Variants in HEPHL1 observed in about 807,000 individuals in gnomAD.
HEPHL1 encodes hephaestin like 1.
Under a neutral mutation model 122.0 loss-of-function variants are expected in HEPHL1, and 123 were observed. The observed-to-expected ratio is 1.01, with a 90% CI of 0.87 to 1.17. HEPHL1 has a LOEUF of 1.17. HEPHL1 is among the 50% of genes most tolerant of loss of function. HEPHL1 has a pLI of 0.00. For synonymous variants in HEPHL1, 527 were observed against 508.9 expected (o/e 1.04, Z -0.48); for missense variants, 1,452 against 1,430.5 (o/e 1.01, Z -0.24).
At chr11:94,053,830 G>A (rs1945912080) in intron 2 of HEPHL1, among the ~76,000 whole-genome samples, 1 of 152,100 alleles carries the variant, frequency 6.6e-6, no homozygotes, top group South Asian at 2.1e-4. Flanking sequence ...TTGTATGATA[G>A]TAATCCTTTT....
chr11:94,093,425 C>A (rs1184340702), intron 12 of HEPHL1, 76 bp from the exon 13 acceptor site: 4 of 1,541,740 alleles, frequency 2.6e-6, no homozygotes, highest in Non-Finnish European at 3.6e-6. Flanking sequence ...CTCCAGAATA[C>A]CCCTGAATCA....
In HEPHL1 at chr11:94,045,672, G is replaced by C. The variant is rs1945827574; in HGVS notation, c.171-1G>C. The C allele has an allele frequency of 1.3e-6, 2 of 1,594,784 alleles. No individual in the cohort carries two copies. The highest frequency in any genetic ancestry group is 1.3e-5 in the African/African-American group (1 of 74,348). ...AAAAATGTTTTTCTTCTTACTTTTA[G>C]ACTTGCAACCTTATTTCTCGAAAGA... is the stretch of plus-strand genomic sequence containing the variant. On this transcript the variant is annotated splice_acceptor_variant, in intron 1 of 19. Coordinates refer to ENST00000315765, the MANE Select transcript of HEPHL1 (RefSeq NM_001098672.2). LOFTEE classifies it high-confidence loss of function.
chr11:94,071,317 T>C (rs982610119), intron 6 of HEPHL1, among the ~76,000 whole-genome samples: 7 of 137,740 alleles, frequency 5.1e-5, no homozygotes, highest in African/African-American at 1.9e-4. Flanking sequence ...ATCATTTGTT[T>C]CTTTAATTGT....
At chr11:94,035,849 G>T (rs1945716254) in intron 1 of HEPHL1, among the ~76,000 whole-genome samples, 1 of 152,192 alleles carries the variant, frequency 6.6e-6, no homozygotes, top group Non-Finnish European at 1.5e-5. Context: ...CCATTCTCCT[G>T]ACTCAGCCTC....
chr11:94,083,842 A>G (rs1946194316), intron 10 of HEPHL1, among the ~76,000 whole-genome samples: 1 of 152,162 alleles, frequency 6.6e-6, no homozygotes, highest in African/African-American at 2.4e-5. Flanking sequence ...TTAGTAGACA[A>G]TATAAAGGGG....
At chr11:94,102,075 T>A (rs1346311798) in intron 14 of HEPHL1, among the ~76,000 whole-genome samples, 1 of 152,158 alleles carries the variant, frequency 6.6e-6, no homozygotes, top group African/African-American at 2.4e-5. Context: ...TATGTCTGTA[T>A]AGGAAAACAC....
At chr11:94,058,938 T>C (rs1419963214) in intron 2 of HEPHL1, among the ~76,000 whole-genome samples, 6 of 152,100 alleles carry the variant, frequency 3.9e-5, no homozygotes, top group Non-Finnish European at 2.9e-5. Context: ...CTTTACATAT[T>C]CACTAAATTA....
At chr11:94,056,706 T>TATCC (rs1945940571) in intron 2 of HEPHL1, among the ~76,000 whole-genome samples, 1 of 151,908 alleles carries the variant, frequency 6.6e-6, no homozygotes, top group Non-Finnish European at 1.5e-5. Context: ...TCTATCTATC[T>TATCC]ATAATGCCCT....
At chr11:94,063,455 T>C in intron 2 of HEPHL1, 53 bp from the exon 3 acceptor site, 1 of 1,373,414 alleles carries the variant, frequency 7.3e-7, no homozygotes, top group Non-Finnish European at 1.0e-6. Flanking sequence ...TAGCATGTGA[T>C]CTCTCTGTTT....
In HEPHL1 at chr11:94,088,899, T is replaced by G. The variant is rs767751041; in HGVS notation, c.2225T>G (p.Val742Gly). Residue 742 changes from valine (V) to glycine (G), a missense_variant, in exon 12 of 20, where the codon GTA becomes GGA. By Grantham distance (109) the Val-to-Gly change is moderately radical. Transcript: ENST00000315765. ...ACTTTTTACATCGCCGCTGAAGAAG[T>G]AGAATGGGATTATGCCCCTAACAAA... The part of the protein sequence containing the change: ...IRTFYIAAEE[V>G]EWDYAPNKNW... The G allele has an allele frequency of 6.2e-7, 1 of 1,613,778 alleles. No homozygotes were observed. The highest frequency in any genetic ancestry group is 1.1e-5 in the South Asian group (1 of 91,068).
intron 2 of HEPHL1, among the ~76,000 whole-genome samples, chr11:94,058,886 T>C (rs1482521383): frequency 6.6e-6 from 1 of 152,016 alleles, no homozygotes; most frequent in Non-Finnish European, 1.5e-5. Context: ...TGCTTTAATA[T>C]AAAAAAGTAT....
chr11:94,043,645 G>C (rs568748333), intron 1 of HEPHL1, among the ~76,000 whole-genome samples: 2 of 152,290 alleles, frequency 1.3e-5, no homozygotes, highest in African/African-American at 4.8e-5. Context: ...ACTCCTCAAA[G>C]AGTGGAGTGT....
intron 1 of HEPHL1, among the ~76,000 whole-genome samples, chr11:94,035,118 GC>G (rs753412284): frequency 6.6e-5 from 10 of 152,164 alleles, no homozygotes; most frequent in Non-Finnish European, 1.3e-4. Context: ...CTATAAAGCT[GC>G]CTGTGATTTC....
intron 13 of HEPHL1, among the ~76,000 whole-genome samples, chr11:94,098,240 G>A (rs1280383247): frequency 1.3e-5 from 2 of 152,158 alleles, no homozygotes; most frequent in Non-Finnish European, 1.5e-5. Flanking sequence ...GCATTTGCTT[G>A]TCTGTAAAGG....
chr11:94,109,997 C>T (rs893624761), intron 17 of HEPHL1, among the ~76,000 whole-genome samples: 3 of 152,154 alleles, frequency 2.0e-5, no homozygotes, highest in African/African-American at 7.2e-5. Flanking sequence ...ATTACAGTTT[C>T]TTTAATAGAT....
At chr11:94,077,331 A>G (rs943337031) in intron 9 of HEPHL1, among the ~76,000 whole-genome samples, 4 of 152,166 alleles carry the variant, frequency 2.6e-5, no homozygotes, top group South Asian at 2.1e-4. Flanking sequence ...AGGATCATGC[A>G]TTGCATTGAG....
At chr11:94,105,111 T>C (rs1169138360) in intron 16 of HEPHL1, among the ~76,000 whole-genome samples, 1 of 152,228 alleles carries the variant, frequency 6.6e-6, no homozygotes, top group Admixed American at 6.5e-5. Flanking sequence ...TTTAATTGTC[T>C]CTGGGATATG....
rs1946418654 is a variant in HEPHL1 at position 94,107,575 on chromosome 11, T to G, written c.3045+1445T>G. Among the ~76,000 whole-genome samples, 4 of 152,210 alleles carry G rather than the reference T, an allele frequency of 2.6e-5. No individual in the cohort carries two copies. The South Asian group carries it at 6.2e-4, about 24-fold the overall frequency. On this transcript the variant is annotated intron_variant, in intron 17 of 19. Transcript: ENST00000315765. Reference sequence around the variant, plus strand: ...TCTAGTGTCAACTACTTCCCCATACTTAACACTTGTCAACCACTGTCTCTA... The same window carrying G: ...TCTAGTGTCAACTACTTCCCCATACGTAACACTTGTCAACCACTGTCTCTA...
In HEPHL1 at chr11:94,075,328, C is replaced by T; in HGVS notation, c.1659C>T (p.Gly553=). 1 of 1,613,414 alleles carries T rather than the reference C, an allele frequency of 6.2e-7. No individual in the cohort carries two copies. The highest frequency in any genetic ancestry group is 8.5e-7 in the Non-Finnish European group (1 of 1,179,614). Residue 553 remains glycine (G), a synonymous_variant, in exon 9 of 20, where the codon GGC becomes GGT. Coordinates refer to ENST00000315765, the MANE Select transcript of HEPHL1 (RefSeq NM_001098672.2). ...AVDPIKDTSS[G]LVGPLLVCKK... ...ATCCAATTAAGGACACCAGCTCTGG[C>T]CTGGTAGGGCCTTTGCTAGTCTGTA...
Sources: allele counts gnomAD v4.1 joint callset (sites outside exome capture counted in the v4.1 genomes callset), GRCh38; gene constraint gnomAD v4.1.1; transcripts MANE v1.5; gene names NCBI Gene and HGNC (gene_info 2026-07-23, HGNC 2026-07-21).